TOX: variants seen among roughly 807,000 people sequenced by gnomAD.
The protein encoded by TOX is thymocyte selection-associated high mobility group box protein TOX.
Under a neutral mutation model 53.7 loss-of-function variants are expected in TOX, and 11 were observed. The ratio of observed to expected loss-of-function variants is 0.20; its 90% CI spans 0.13 to 0.34. TOX has a LOEUF of 0.34. TOX is among the 10% of genes least tolerant of loss of function. The pLI is 1.00. For synonymous variants in TOX, 225 were observed against 245.3 expected (o/e 0.92, Z 0.77); for missense variants, 570 against 664.6 (o/e 0.86, Z 1.56).
chr8:59,012,242 T>C (rs1052261853), intron 1 of TOX, among the ~76,000 whole-genome samples: 1 of 152,110 alleles, frequency 6.6e-6, no homozygotes, highest in Non-Finnish European at 1.5e-5. Context: ...TGGAGGACCT[T>C]TGATTATTAG....
At chr8:59,061,909 C>T (rs1037167428) in intron 1 of TOX, among the ~76,000 whole-genome samples, 1 of 152,030 alleles carries the variant, frequency 6.6e-6, no homozygotes, top group Non-Finnish European at 1.5e-5. Context: ...TCTTTCTTGG[C>T]GCTTCTCTTC....
chr8:58,973,166 C>T (rs1294275035), intron 1 of TOX, among the ~76,000 whole-genome samples: 1 of 152,086 alleles, frequency 6.6e-6, no homozygotes, highest in Non-Finnish European at 1.5e-5. Context: ...GTACCTATTC[C>T]CCATTCTACA....
At chr8:59,028,236 G>A (rs972552193) in intron 1 of TOX, among the ~76,000 whole-genome samples, 3 of 151,770 alleles carry the variant, frequency 2.0e-5, no homozygotes, top group Non-Finnish European at 2.9e-5. Flanking sequence ...CAATAAGAAC[G>A]AACTTTTTTT....
intron 5 of TOX, among the ~76,000 whole-genome samples, chr8:58,832,112 G>GATATATATAATATATGTA (rs1211326183): frequency 4.1e-5 from 6 of 146,834 alleles, no homozygotes; most frequent in Non-Finnish European, 4.5e-5. Context: ...TGTATATGTG[G>GATATATATAATATATGTA]ATATATATAA....
rs1005543308 is a variant in TOX at position 59,107,062 on chromosome 8, G to A, written c.102+11824C>T. Among the ~76,000 whole-genome samples the A allele has an allele frequency of 4.2e-5, 6 of 141,422 alleles. No homozygotes were observed. The South Asian group carries it at 8.8e-4, about 21-fold the overall frequency. 92.8% of individuals were successfully genotyped at this position (141,422 alleles called of 152,430 possible). On this transcript the variant is annotated intron_variant, in intron 1 of 8. Transcript: ENST00000361421. Reference sequence around the variant, plus strand: ...GCAGTTTGCTGGGGGGGGGGGGAACGTGACATTTCTAATTCATTCTGAAGT... The same window carrying A: ...GCAGTTTGCTGGGGGGGGGGGGAACATGACATTTCTAATTCATTCTGAAGT...
At chr8:58,964,701 TG>T (rs1189661204) in intron 1 of TOX, among the ~76,000 whole-genome samples, 1 of 152,208 alleles carries the variant, frequency 6.6e-6, no homozygotes, top group Non-Finnish European at 1.5e-5. Flanking sequence ...AAGGTTCAGC[TG>T]GGGATAGAAC....
At chr8:59,106,748 G>A (rs1028517899) in intron 1 of TOX, among the ~76,000 whole-genome samples, 1 of 152,064 alleles carries the variant, frequency 6.6e-6, no homozygotes, top group African/African-American at 2.4e-5. Context: ...AACATTCAGC[G>A]AAGCGTACCA....
intron 1 of TOX, among the ~76,000 whole-genome samples, chr8:59,048,068 C>A (rs1224337706): frequency 6.6e-6 from 1 of 152,096 alleles, no homozygotes; most frequent in African/African-American, 2.4e-5. Flanking sequence ...TACAAAAAAA[C>A]AAATACGGTT....
chr8:58,811,451 C>A (rs1328059227), intron 7 of TOX, among the ~76,000 whole-genome samples: 1 of 152,180 alleles, frequency 6.6e-6, no homozygotes. Context: ...TTTTGTTGTG[C>A]CACCAGAGCA....
Position 58,838,273 on chromosome 8 carries a change from C to A in TOX, c.732G>T (p.Gly244=), listed in dbSNP as rs1166249253. The change falls in exon 5 of 9, where the codon GGG becomes GGT. Residue 244 remains glycine, a synonymous_variant. Coordinates refer to ENST00000361421, the MANE Select transcript of TOX (RefSeq NM_014729.3). ...GGEKRPASDM[G]KKPKTPKKKK... Reference sequence around the variant, plus strand: ...TCTTTTTGGGAGTTTTTGGTTTTTTCCCCATATCAGAGGCAGGCCGCTTCT... The same window carrying A: ...TCTTTTTGGGAGTTTTTGGTTTTTTACCCATATCAGAGGCAGGCCGCTTCT... The A allele has an allele frequency of 6.2e-7, 1 of 1,613,780 alleles. No individual in the cohort carries two copies. The highest frequency in any genetic ancestry group is 1.3e-5 in the African/African-American group (1 of 74,882).
intron 5 of TOX, among the ~76,000 whole-genome samples, chr8:58,834,409 G>A (rs1488931383): frequency 4.6e-5 from 7 of 152,134 alleles, no homozygotes; most frequent in African/African-American, 9.7e-5. Flanking sequence ...AGTCTGCCTC[G>A]AATCTGCTCC....
intron 3 of TOX, among the ~76,000 whole-genome samples, chr8:58,913,510 T>G (rs912345236): frequency 6.6e-6 from 1 of 152,212 alleles, no homozygotes; most frequent in African/African-American, 2.4e-5. Context: ...GTGCTCTTGA[T>G]GAATGCTTGT....
chr8:59,030,055 C>T (rs933927204), intron 1 of TOX, among the ~76,000 whole-genome samples: 3 of 152,062 alleles, frequency 2.0e-5, no homozygotes, highest in Non-Finnish European at 4.4e-5. Context: ...CAAATGGGAC[C>T]TTAATGAACC....
chr8:58,837,626 C>A (rs374861005), intron 5 of TOX, among the ~76,000 whole-genome samples: 2 of 152,086 alleles, frequency 1.3e-5, no homozygotes, highest in Admixed American at 6.6e-5. Context: ...CAGCCCCTGG[C>A]GGTCTTTAAG....
In TOX at chr8:58,881,966, G is replaced by A. The variant is rs76242813; in HGVS notation, c.412-30161C>T. The stretch of plus-strand genomic sequence containing the variant: ...TGCAGTAACTTGCTGCATGTAATTA[G>A]CCTTTGCGGTAACTTTACTACTGCA... On this transcript the variant is annotated intron_variant, in intron 3 of 8. Transcript: ENST00000361421. Among the ~76,000 whole-genome samples, 535 of 152,284 alleles carry A rather than the reference G, an allele frequency of 3.5e-3. 2 individuals carry two copies. The highest frequency in any genetic ancestry group is 5.5e-3 in the Non-Finnish European group (374 of 68,004).
chr8:58,867,560 A>G (rs185873966), intron 3 of TOX, among the ~76,000 whole-genome samples: 2 of 152,360 alleles, frequency 1.3e-5, no homozygotes, highest in East Asian at 1.9e-4. Context: ...TTCACAGCAT[A>G]ACCACAATCT....
chr8:59,081,609 A>G (rs1804409513), intron 1 of TOX, among the ~76,000 whole-genome samples: 2 of 152,208 alleles, frequency 1.3e-5, no homozygotes, highest in African/African-American at 4.8e-5. Flanking sequence ...CACTTGAAAA[A>G]GTGTCTTTAC....
At chr8:58,809,167 A>T (rs1051231069) in intron 7 of TOX, among the ~76,000 whole-genome samples, 2 of 152,246 alleles carry the variant, frequency 1.3e-5, no homozygotes, top group African/African-American at 2.4e-5. Context: ...AATGACCAAA[A>T]AGGCAACTTA....
chr8:58,808,061 A>T (rs765549834), intron 8 of TOX, 57 bp downstream of exon 8: 463 of 1,560,846 alleles, frequency 3.0e-4, no homozygotes, highest in Non-Finnish European at 3.4e-4. Context: ...TCAACTAGGG[A>T]CGATATGCAT....
Sources: gnomAD v4.1 joint callset for allele counts (sites outside exome capture counted in the v4.1 genomes callset) on GRCh38, gnomAD v4.1.1 for gene constraint, MANE v1.5 for transcripts, NCBI Gene and HGNC (gene_info 2026-07-23, HGNC 2026-07-21) for gene names.